The following RGPD3 variants were observed in gnomAD, a reference collection of about 807,000 sequenced individuals.
RGPD3 encodes RANBP2 like and GRIP domain containing 3.
A neutral mutation model predicts 154.5 loss-of-function variants in RGPD3; 62 were observed. The ratio of observed to expected loss-of-function variants is 0.40; its 90% CI spans 0.33 to 0.50. RGPD3 has a LOEUF of 0.50. Ranked by LOEUF, RGPD3 falls within the 20% of genes least tolerant of loss-of-function variation. RGPD3 has a pLI of 0.59. For synonymous variants in RGPD3, 308 were observed against 607.0 expected, an observed-to-expected ratio of 0.51 and a Z score of 7.24; for missense variants, 919 against 1,716.8, an observed-to-expected ratio of 0.54 and a Z score of 8.21.
intron 20 of RGPD3, 91 bp from the exon 21 acceptor site, chr2:106,416,080 C>G: frequency 6.5e-7 from 1 of 1,542,126 alleles, no homozygotes; most frequent in Admixed American, 1.9e-5. Flanking sequence ...AAATATCTTA[C>G]TATGTGATAT....
chr2:106,464,346 A>C (rs1208203093), intron 1 of RGPD3, among the ~76,000 whole-genome samples: 1 of 151,558 alleles, frequency 6.6e-6, no homozygotes, highest in Admixed American at 6.6e-5. Flanking sequence ...ATCTCAAAAA[A>C]AAAAAAAAAA....
chr2:106,468,178 G>A (rs1678701835), intron 1 of RGPD3, 39 bp downstream of exon 1: 2 of 1,573,446 alleles, frequency 1.3e-6, no homozygotes, highest in Middle Eastern at 2.3e-4. Flanking sequence ...CCGCCGCCCG[G>A]CCAGGTCGAG....
At chr2:106,470,784 C>G, upstream of RGPD3, 1 of 1,590,674 alleles carries the variant, frequency 6.3e-7, no homozygotes, top group Non-Finnish European at 8.5e-7. Flanking sequence ...TTTGGCAACA[C>G]CTAGTCCTTT....
At chr2:106,422,084 C>T (rs1249707719) in intron 20 of RGPD3, among the ~76,000 whole-genome samples, 1 of 152,098 alleles carries the variant, frequency 6.6e-6, no homozygotes, top group Admixed American at 6.5e-5. Flanking sequence ...CCTTTGCTCT[C>T]AGGCTGTGAG....
chr2:106,421,044 C>T (rs552942296), intron 20 of RGPD3, among the ~76,000 whole-genome samples: 198 of 152,262 alleles, frequency 1.3e-3, no homozygotes, highest in Non-Finnish European at 1.7e-3. Context: ...TGTCCCTCTC[C>T]TTCATTATAA....
intron 6 of RGPD3, among the ~76,000 whole-genome samples, chr2:106,450,504 A>G: frequency 6.7e-6 from 1 of 148,386 alleles, no homozygotes; most frequent in Non-Finnish European, 1.5e-5. Flanking sequence ...CTCCATTCCC[A>G]TGGTCATCTC....
chr2:106,431,848 CGATA>C (rs1198897065), intron 17 of RGPD3, among the ~76,000 whole-genome samples: 1 of 149,972 alleles, frequency 6.7e-6, no homozygotes, highest in Non-Finnish European at 1.5e-5. Context: ...TGTTAAAATA[CGATA>C]TATATACATA....
At chr2:106,461,812 C>G (rs1443901087) in intron 1 of RGPD3, among the ~76,000 whole-genome samples, 1 of 151,236 alleles carries the variant, frequency 6.6e-6, no homozygotes, top group Admixed American at 6.6e-5. Context: ...GCACTGGCAA[C>G]AGAGCAAGAC....
chr2:106,424,597 A>C lies in RGPD3; in HGVS notation c.3370T>G (p.Ser1124Ala). The change falls in exon 20 of 23, where the codon TCT (serine) becomes GCT (alanine). Residue 1124 changes from serine (S) to alanine (A), a missense_variant. By Grantham distance (99) the Ser-to-Ala change is moderately conservative (BLOSUM62 1). Coordinates refer to ENST00000409886, the MANE Select transcript of RGPD3 (RefSeq NM_001144013.2). ...CACATCCATGCTCTATCTGATCCAG[A>C]GAGGGGCTTCAGGTTCATTGTAGTC... ...ITTTMNLKPL[S>A]GSDRAWMWSA... 1 of 1,611,618 alleles carries C rather than the reference A, an allele frequency of 6.2e-7. No individual in the cohort carries two copies. The highest frequency in any genetic ancestry group is 8.5e-7 in the Non-Finnish European group (1 of 1,179,842).
intron 22 of RGPD3, among the ~76,000 whole-genome samples, chr2:106,411,336 T>A (rs1268654676): frequency 7.5e-6 from 1 of 133,562 alleles, no homozygotes; most frequent in African/African-American, 2.8e-5. Context: ...CACAATACCA[T>A]CTATGATGTA....
rs1366016774 is a variant in RGPD3 at position 106,413,183 on chromosome 2, A to G, written c.5167T>C (p.Leu1723=). 1 of 1,612,008 alleles carries G rather than the reference A, an allele frequency of 6.2e-7. No individual in the cohort carries two copies. Among genetic ancestry groups the G allele is most frequent in the Admixed American group, 1.7e-5 (1 of 60,020 alleles). ...CTCTCTCTTTCACTACCTGGCTTCA[A>G]GAAAATGAACTGCAGCAAGACGTTC... is the stretch of plus-strand genomic sequence containing the variant. ...LKNVLLQFIF[L]KPGSERERLL... is the part of the protein sequence containing the mutation. The change falls in exon 22 of 23, where the codon TTG becomes CTG. Residue 1723 remains leucine, a synonymous_variant. Coordinates refer to ENST00000409886, the MANE Select transcript of RGPD3 (RefSeq NM_001144013.2).
At chr2:106,450,881 C>CAAAAAAAAAAAAAAAAAAAAAA (rs56400357) in intron 6 of RGPD3, among the ~76,000 whole-genome samples, 1 of 38,378 alleles carries the variant, frequency 2.6e-5, no homozygotes, top group Non-Finnish European at 4.8e-5. Flanking sequence ...GACTCAGTCT[C>CAAAAAAAAAAAAAAAAAAAAAA]AAAAAAAAAA....
rs1172415726 is a variant in RGPD3, at chr2:106,426,204, C to T, written c.2606-116G>A. 26 of 1,037,624 alleles carry T rather than the reference C, an allele frequency of 2.5e-5. No homozygotes were observed. The East Asian group carries it at 4.5e-4, about 18-fold the overall frequency. The allele number at this position is 1,037,624 out of a possible 1,614,324, so 64.3% of individuals were successfully genotyped here. A position where few individuals can be genotyped will look rare whatever the true frequency, so the allele number is the denominator to read the frequency against. ...TAGAAATTAAAGAAAGATTTAACTA[C>T]ATAAATTTTAAATTTCTGTACATCA... On this transcript the variant is annotated intron_variant, in intron 18 of 22. Transcript: ENST00000409886.
At position 106,466,007 on chromosome 2, in the gene RGPD3, C is replaced by T. The variant is rs1301772161; in HGVS notation, c.72+2210G>A. ...TTCCTCCAGGCCAAGGAGGTATGAC[C>T]TCCGCCGCAGCATATAAAGTAAATG... On this transcript the variant is annotated intron_variant, in intron 1 of 22. Transcript: ENST00000409886. 2.0e-5 allele frequency among the ~76,000 whole-genome samples: 3 copies of T among 152,008 alleles called. No homozygotes were observed. The East Asian group carries it at 5.8e-4, about 30-fold the overall frequency.
rs1262976536 is a variant in RGPD3, at chr2:106,404,911, T to TG, written c.*307dup. ...AAGTGGGGAGTGAATTCATTCCTGGTGGTTTTATTCTGGCAGCATGCATGG... is the reference window on the plus strand; with the variant it reads ...AAGTGGGGAGTGAATTCATTCCTGGTGGGTTTTATTCTGGCAGCATGCATGG... On this transcript the variant is annotated 3_prime_UTR_variant, in exon 23 of 23. Coordinates refer to ENST00000409886, the MANE Select transcript of RGPD3 (RefSeq NM_001144013.2). 2.4e-6 allele frequency: 1 copy of TG among 413,714 alleles called. No homozygotes were observed. Among genetic ancestry groups the TG allele is most frequent in the Non-Finnish European group, 4.4e-6 (1 of 227,298 alleles). The allele number at this position is 413,714 out of a possible 1,614,324, so 25.6% of individuals were successfully genotyped here.
At chr2:106,409,213 T>C (rs1230622909) in intron 22 of RGPD3, among the ~76,000 whole-genome samples, 2 of 152,116 alleles carry the variant, frequency 1.3e-5, no homozygotes, top group African/African-American at 4.8e-5. Flanking sequence ...AGACCTTTCT[T>C]CTAGCATCCC....
chr2:106,428,683 A>G (rs1677272985), intron 18 of RGPD3, among the ~76,000 whole-genome samples: 1 of 151,864 alleles, frequency 6.6e-6, no homozygotes, highest in Admixed American at 6.6e-5. Context: ...CTGGGCTAAA[A>G]AGAGAGAGAG....
chr2:106,412,731 G>A (rs746490501), intron 22 of RGPD3: 46 of 471,122 alleles, frequency 9.8e-5, no homozygotes, highest in Middle Eastern at 6.4e-4. Flanking sequence ...GAGGGGTGAA[G>A]TAGAAAAGGA....
At chr2:106,448,347 C>T (rs1488580945) in intron 6 of RGPD3, among the ~76,000 whole-genome samples, 16 of 152,270 alleles carry the variant, frequency 1.1e-4, no homozygotes, top group South Asian at 1.0e-3. Context: ...CCTGACCTCA[C>T]GATCCGCCCG....
Sources: gnomAD v4.1 joint callset for allele counts (sites outside exome capture counted in the v4.1 genomes callset) on GRCh38, gnomAD v4.1.1 for gene constraint, MANE v1.5 for transcripts, NCBI Gene and HGNC (gene_info 2026-07-23, HGNC 2026-07-21) for gene names.